The following STAG1 variants were observed in gnomAD, a reference collection of about 807,000 sequenced individuals.
STAG1 encodes the protein STAG1 cohesin complex component.
STAG1 carries 26 observed loss-of-function variants against 170.9 expected under a neutral mutation model. That is an observed-to-expected ratio of 0.15 (90% CI 0.11 to 0.21). STAG1 has a LOEUF of 0.21. Among genes scored for constraint, STAG1 ranks in the 10% least tolerant of loss-of-function variants. The pLI is 1.00. For synonymous variants in STAG1, 514 were observed against 497.7 expected (o/e 1.03, Z -0.44); for missense variants, 964 against 1,509.5 (o/e 0.64, Z 5.99).
intron 14 of STAG1, among the ~76,000 whole-genome samples, chr3:136,446,781 T>A (rs1350606626): frequency 6.6e-6 from 1 of 151,156 alleles, no homozygotes; most frequent in Non-Finnish European, 1.5e-5. Flanking sequence ...AATTTCTTAA[T>A]CTATACTGTA....
intron 13 of STAG1, among the ~76,000 whole-genome samples, 198 bp from the exon 14 acceptor site, chr3:136,452,345 A>T (rs545837985): frequency 1.1e-3 from 168 of 152,060 alleles, no homozygotes; most frequent in Non-Finnish European, 1.7e-3. Context: ...CAGGTGGATC[A>T]TGAGGTCAGG....
intron 4 of STAG1, among the ~76,000 whole-genome samples, chr3:136,585,879 T>C (rs1191156346): frequency 1.3e-5 from 2 of 152,232 alleles, no homozygotes; most frequent in Admixed American, 6.5e-5. Flanking sequence ...ATTAGCTTTT[T>C]GCAAGGATTC....
intron 1 of STAG1, among the ~76,000 whole-genome samples, chr3:136,700,885 T>TC (rs1559959351): frequency 2.2e-5 from 3 of 136,440 alleles, no homozygotes; most frequent in Non-Finnish European, 4.8e-5. Context: ...TCTTTTTTTT[T>TC]TTTTTTTTTT....
intron 21 of STAG1, among the ~76,000 whole-genome samples, chr3:136,405,526 G>A (rs890725737): frequency 5.3e-5 from 8 of 151,488 alleles, no homozygotes; most frequent in Admixed American, 4.6e-4. Flanking sequence ...ATAGACATAG[G>A]ACACCGCGTC....
chr3:136,646,115 C>A (rs1295098270), intron 1 of STAG1, among the ~76,000 whole-genome samples: 1 of 152,176 alleles, frequency 6.6e-6, no homozygotes, highest in Non-Finnish European at 1.5e-5. Context: ...CAGTCTAGGG[C>A]TTACTCCTTT....
intron 14 of STAG1, among the ~76,000 whole-genome samples, chr3:136,444,744 T>A (rs181145424): frequency 6.6e-6 from 1 of 152,356 alleles, no homozygotes. Flanking sequence ...CCCAAAAGTA[T>A]GAAAGTCACC....
At chr3:136,374,745 G>T (rs1348507598) in intron 23 of STAG1, among the ~76,000 whole-genome samples, 2 of 151,898 alleles carry the variant, frequency 1.3e-5, no homozygotes, top group Admixed American at 6.6e-5. Flanking sequence ...GTATGATAAG[G>T]TTAATTTATT....
At chr3:136,594,357 T>C (rs552135717) in intron 4 of STAG1, among the ~76,000 whole-genome samples, 1 of 152,274 alleles carries the variant, frequency 6.6e-6, no homozygotes, top group Admixed American at 6.5e-5. Flanking sequence ...TCTTTGACAC[T>C]AAAACAAAGC....
At chr3:136,523,691 T>A (rs1021894058) in intron 6 of STAG1, among the ~76,000 whole-genome samples, 7 of 152,194 alleles carry the variant, frequency 4.6e-5, no homozygotes, top group African/African-American at 9.6e-5. Context: ...CTGAGTGGTA[T>A]TGCCTAGGTT....
intron 1 of STAG1, among the ~76,000 whole-genome samples, chr3:136,699,599 C>T (rs1365201243): frequency 6.6e-6 from 1 of 151,352 alleles, no homozygotes; most frequent in Non-Finnish European, 1.5e-5. Context: ...TTCTGGATTA[C>T]CAGGGTGAGA....
chr3:136,666,616 A>G (rs560498272), intron 1 of STAG1, among the ~76,000 whole-genome samples: 113 of 152,142 alleles, frequency 7.4e-4, no homozygotes, highest in Non-Finnish European at 1.4e-3. Flanking sequence ...TCAGGAGTTC[A>G]AGACCAGCCT....
chr3:136,749,752 A>T (rs1935130893), intron 1 of STAG1, among the ~76,000 whole-genome samples: 1 of 151,834 alleles, frequency 6.6e-6, no homozygotes, highest in South Asian at 2.1e-4. Flanking sequence ...CTCAAAAAAA[A>T]AAAAAAAGAA....
At chr3:136,369,043 T>C (rs1937191549) in intron 24 of STAG1, 65 bp downstream of exon 24, 2 of 1,356,386 alleles carry the variant, frequency 1.5e-6, no homozygotes, top group East Asian at 5.4e-5. Flanking sequence ...AATTTGTTTC[T>C]TTTCTCCTAT....
chr3:136,498,233 T>TATATATATATATATATATATATAAATAC, intron 9 of STAG1, among the ~76,000 whole-genome samples: 1 of 57,512 alleles, frequency 1.7e-5, no homozygotes, highest in Non-Finnish European at 2.8e-5. Context: ...TATATATATA[T>TATATATATATATATATATATATAAATAC]ACACATACAT....
At chr3:136,660,261 T>C (rs904036213) in intron 1 of STAG1, among the ~76,000 whole-genome samples, 1 of 152,190 alleles carries the variant, frequency 6.6e-6, no homozygotes, top group African/African-American at 2.4e-5. Context: ...GTAAAGTCAT[T>C]TCCACAGTGT....
intron 1 of STAG1, among the ~76,000 whole-genome samples, chr3:136,641,332 C>A (rs180801412): frequency 6.6e-6 from 1 of 152,078 alleles, no homozygotes; most frequent in East Asian, 1.9e-4. Flanking sequence ...AAAGAACTTA[C>A]ACAGAATATC....
intron 9 of STAG1, among the ~76,000 whole-genome samples, chr3:136,488,243 C>A (rs1439198342): frequency 6.6e-6 from 1 of 152,210 alleles, no homozygotes; most frequent in African/African-American, 2.4e-5. Context: ...CTGCCTCAGC[C>A]TCCCGAGTAG....
intron 3 of STAG1, among the ~76,000 whole-genome samples, chr3:136,615,314 T>C (rs1939529312): frequency 6.7e-6 from 1 of 149,648 alleles, no homozygotes; most frequent in African/African-American, 2.5e-5. Context: ...AAATATTAGG[T>C]GTAATATTAG....
chr3:136,434,545 G>T (rs188166446), intron 15 of STAG1, among the ~76,000 whole-genome samples: 2 of 152,102 alleles, frequency 1.3e-5, no homozygotes, highest in African/African-American at 4.8e-5. Context: ...GAGAACTCTT[G>T]TATGGTAGGG....
Sources: allele counts gnomAD v4.1 joint callset (sites outside exome capture counted in the v4.1 genomes callset), GRCh38; gene constraint gnomAD v4.1.1; transcripts MANE v1.5; gene names NCBI Gene and HGNC (gene_info 2026-07-23, HGNC 2026-07-21).